Variants in NKAIN3 observed in about 807,000 individuals in gnomAD.
NKAIN3 encodes the protein sodium/potassium transporting ATPase interacting 3, also known as sodium/potassium-transporting ATPase subunit beta-1-interacting protein 3.
In NKAIN3, 25 loss-of-function variants were observed where a neutral mutation model predicts 30.2. That is an observed-to-expected ratio of 0.83 (90% CI 0.60 to 1.16). The LOEUF (loss-of-function observed/expected upper bound fraction) is 1.16, where lower values mean the gene tolerates loss of function less well. Ranked by LOEUF, NKAIN3 falls within the 50% of genes most tolerant of loss-of-function variation. NKAIN3 has a pLI of 0.00. For synonymous variants in NKAIN3, 91 were observed against 89.6 expected (o/e 1.02, Z -0.09); for missense variants, 225 against 254.1 (o/e 0.89, Z 0.78).
chr8:62,935,770 T>A (rs1822765993), intron 5 of NKAIN3, among the ~76,000 whole-genome samples: 1 of 152,068 alleles, frequency 6.6e-6, no homozygotes, highest in Non-Finnish European at 1.5e-5. Flanking sequence ...CCCACTAAAA[T>A]TTAAGTGGAT....
At chr8:62,840,350 T>TAA (rs200175437) in intron 4 of NKAIN3, among the ~76,000 whole-genome samples, 3 of 135,490 alleles carry the variant, frequency 2.2e-5, no homozygotes, top group African/African-American at 2.7e-5. Flanking sequence ...TCAAGCTTTC[T>TAA]AAAAAAAAAA....
At chr8:62,676,956 C>T (rs568901017) in intron 3 of NKAIN3, among the ~76,000 whole-genome samples, 4 of 152,184 alleles carry the variant, frequency 2.6e-5, no homozygotes, top group South Asian at 2.1e-4. Context: ...TGGTCTCAAG[C>T]GATCCTCCCA....
intron 4 of NKAIN3, among the ~76,000 whole-genome samples, chr8:62,857,627 T>A (rs1820102513): frequency 6.6e-6 from 1 of 152,234 alleles, no homozygotes; most frequent in Non-Finnish European, 1.5e-5. Context: ...TTTCTTCCAC[T>A]TGATCTATTC....
At chr8:62,294,137 C>G (rs537053035) in intron 1 of NKAIN3, among the ~76,000 whole-genome samples, 2 of 152,168 alleles carry the variant, frequency 1.3e-5, no homozygotes, top group Non-Finnish European at 2.9e-5. Flanking sequence ...CCGTCTGTCA[C>G]GGCTTCTCTT....
At chr8:62,894,124 C>G (rs1821366948) in intron 4 of NKAIN3, among the ~76,000 whole-genome samples, 1 of 152,118 alleles carries the variant, frequency 6.6e-6, no homozygotes, top group South Asian at 2.1e-4. Context: ...AATTTCAAAT[C>G]TTAGTTGATT....
At chr8:62,850,580 T>C (rs1244687435) in intron 4 of NKAIN3, among the ~76,000 whole-genome samples, 1 of 152,178 alleles carries the variant, frequency 6.6e-6, no homozygotes, top group Non-Finnish European at 1.5e-5. Context: ...AGGGTTTTTA[T>C]GGTTTTAGGT....
rs577749442 is a variant in NKAIN3 at position 62,587,314 on chromosome 8, T to A, written c.193-2400T>A. ...ACACAAATTTATTAGAAGAAACTTGTAATGTAAATGTACTAGAAGATATTA... is the reference window on the plus strand; with the variant it reads ...ACACAAATTTATTAGAAGAAACTTGAAATGTAAATGTACTAGAAGATATTA... On this transcript the variant is annotated intron_variant, in intron 2 of 6. Transcript: ENST00000623646. Among the ~76,000 whole-genome samples the A allele has an allele frequency of 5.9e-5, 9 of 152,128 alleles. No homozygotes were observed. In the South Asian group the frequency reaches 1.9e-3, roughly 32 times the overall value.
At chr8:62,587,038 T>C (rs941492170) in intron 2 of NKAIN3, among the ~76,000 whole-genome samples, 46 of 152,106 alleles carry the variant, frequency 3.0e-4, no homozygotes, top group African/African-American at 1.0e-3. Context: ...AATTATTGCT[T>C]CAGTTGAATT....
In NKAIN3 at chr8:62,965,388, G is replaced by A. The variant is rs1365083852; in HGVS notation, c.638G>A (p.Arg213Gln). The A allele has an allele frequency of 6.1e-6, 6 of 985,568 alleles. No individual in the cohort carries two copies. Among genetic ancestry groups the A allele is most frequent in the African/African-American group, 3.5e-5 (2 of 57,174 alleles). 61.1% of individuals were successfully genotyped at this position (985,568 alleles called of 1,614,324 possible). ...EISNDIEPEM[R>Q]LLNLT ...AGTAATGACATTGAACCAGAAATGC[G>A]GCTGCTGAACTTGACTTAGGGAGCA... is the stretch of plus-strand genomic sequence containing the variant. The change falls in exon 7 of 7, where the codon CGG (arginine) becomes CAG (glutamine). Residue 213 changes from arginine (R) to glutamine (Q), a missense_variant. Arg to Gln is a conservative substitution (Grantham distance 43, BLOSUM62 1). Transcript: ENST00000623646.
At chr8:62,494,940 T>C (rs571681726) in intron 1 of NKAIN3, among the ~76,000 whole-genome samples, 20 of 152,228 alleles carry the variant, frequency 1.3e-4, no homozygotes, top group African/African-American at 4.6e-4. Context: ...TCAATCTTAT[T>C]AGCTTTTTCA....
chr8:62,500,469 GAAAGAAAGAAAGAAAGAAGA>G (rs1236877240), intron 1 of NKAIN3, among the ~76,000 whole-genome samples: 3 of 119,402 alleles, frequency 2.5e-5, no homozygotes, highest in African/African-American at 9.8e-5. Flanking sequence ...AAGAAAGAAA[GAAAGAAAGAAAGAAAGAAGA>G]AAAGAAAGAA....
chr8:62,789,362 G>C (rs780341102), intron 4 of NKAIN3, among the ~76,000 whole-genome samples: 3 of 152,128 alleles, frequency 2.0e-5, no homozygotes, highest in Admixed American at 6.6e-5. Flanking sequence ...AAGAATGCTC[G>C]TGATTTTTGC....
At chr8:62,934,110 T>C (rs1029268547) in intron 5 of NKAIN3, among the ~76,000 whole-genome samples, 2 of 152,290 alleles carry the variant, frequency 1.3e-5, no homozygotes, top group East Asian at 1.9e-4. Context: ...TAAAGTCTTG[T>C]GTGGTGACAC....
intron 4 of NKAIN3, among the ~76,000 whole-genome samples, chr8:62,887,579 GT>G (rs1436850774): frequency 6.6e-6 from 1 of 151,780 alleles, no homozygotes; most frequent in East Asian, 1.9e-4. Flanking sequence ...TTGTTTCTTA[GT>G]TTTTTTATTT....
At chr8:62,608,349 A>T (rs2130175286) in intron 3 of NKAIN3, among the ~76,000 whole-genome samples, 1 of 152,318 alleles carries the variant, frequency 6.6e-6, no homozygotes, top group South Asian at 2.1e-4. Flanking sequence ...TGAACTGTTT[A>T]ATAATAGAGA....
At chr8:62,453,704 G>A (rs1025191281) in intron 1 of NKAIN3, among the ~76,000 whole-genome samples, 1 of 152,022 alleles carries the variant, frequency 6.6e-6, no homozygotes, top group African/African-American at 2.4e-5. Context: ...CATTACCACC[G>A]ACCCCACAGA....
intron 3 of NKAIN3, among the ~76,000 whole-genome samples, chr8:62,660,048 A>T (rs1333830386): frequency 6.6e-6 from 1 of 152,056 alleles, no homozygotes; most frequent in Non-Finnish European, 1.5e-5. Context: ...GTGAAAATGG[A>T]CTAATATACT....
chr8:62,878,037 T>G (rs969403266), intron 4 of NKAIN3, among the ~76,000 whole-genome samples: 5 of 72,778 alleles, frequency 6.9e-5, no homozygotes, highest in African/African-American at 3.4e-4. Context: ...TGAAACTCCA[T>G]CTCAAAAAAA....
intron 4 of NKAIN3, among the ~76,000 whole-genome samples, chr8:62,786,553 A>G (rs1817525690): frequency 6.6e-6 from 1 of 152,124 alleles, no homozygotes; most frequent in African/African-American, 2.4e-5. Context: ...CAGAGGGTCC[A>G]TCATGGGTGA....
Sources: allele counts gnomAD v4.1 joint callset (sites outside exome capture counted in the v4.1 genomes callset), GRCh38; gene constraint gnomAD v4.1.1; transcripts MANE v1.5; gene names NCBI Gene and HGNC (gene_info 2026-07-23, HGNC 2026-07-21).